The following OSBPL1A variants were observed in gnomAD, a reference collection of about 807,000 sequenced individuals.
The protein encoded by OSBPL1A is oxysterol-binding protein-related protein 1.
OSBPL1A carries 80 observed loss-of-function variants against 137.1 expected under a neutral mutation model. The ratio of observed to expected loss-of-function variants is 0.58; its 90% CI spans 0.49 to 0.70. The LOEUF (loss-of-function observed/expected upper bound fraction) is 0.70, where lower values mean the gene tolerates loss of function less well. Among genes scored for constraint, OSBPL1A ranks in the 30% least tolerant of loss-of-function variants. OSBPL1A has a pLI of 0.00. For synonymous variants in OSBPL1A, 365 were observed against 389.7 expected, an observed-to-expected ratio of 0.94 and a Z score of 0.75; for missense variants, 970 against 1,129.4, an observed-to-expected ratio of 0.86 and a Z score of 2.02.
intron 15 of OSBPL1A, among the ~76,000 whole-genome samples, chr18:24,275,257 T>A (rs1005577913): frequency 9.9e-5 from 15 of 151,682 alleles, no homozygotes; most frequent in African/African-American, 3.6e-4. Flanking sequence ...TGAAGCAAGG[T>A]CCCCAGAGAA....
intron 22 of OSBPL1A, 98 bp from the exon 23 acceptor site, chr18:24,171,596 T>C (rs2086289184): frequency 1.1e-6 from 1 of 923,408 alleles, no homozygotes; most frequent in Non-Finnish European, 1.7e-6. Context: ...CTACTGTTTA[T>C]GGATTTTCTC....
chr18:24,334,972 T>G (rs955557739), intron 5 of OSBPL1A, among the ~76,000 whole-genome samples: 1 of 152,036 alleles, frequency 6.6e-6, no homozygotes, highest in African/African-American at 2.4e-5. Context: ...TCATTGCAGC[T>G]TCAAACTCCT....
chr18:24,341,933 G>A (rs79025128), intron 4 of OSBPL1A, among the ~76,000 whole-genome samples: 2,432 of 152,268 alleles, frequency 0.016, 52 homozygotes, highest in African/African-American at 0.047. Flanking sequence ...AATAATTCAT[G>A]TGGTCAAATT....
chr18:24,206,816 C>A (rs1028362028), intron 17 of OSBPL1A, among the ~76,000 whole-genome samples: 1 of 152,148 alleles, frequency 6.6e-6, no homozygotes, highest in Non-Finnish European at 1.5e-5. Flanking sequence ...GCTTAAATTT[C>A]ACAATTCTTT....
intron 24 of OSBPL1A, among the ~76,000 whole-genome samples, chr18:24,168,098 G>A (rs1239156102): frequency 2.6e-5 from 4 of 152,080 alleles, no homozygotes; most frequent in South Asian, 4.1e-4. Flanking sequence ...ATTCATTTGA[G>A]TATTTATTTT....
chr18:24,203,350 C>G (rs1599485239), intron 17 of OSBPL1A, among the ~76,000 whole-genome samples: 1 of 152,312 alleles, frequency 6.6e-6, no homozygotes, highest in East Asian at 1.9e-4. Context: ...CCTGCACTCT[C>G]CAATACCAAC....
chr18:24,171,376 T>C (rs2145910200), intron 23 of OSBPL1A, 33 bp downstream of exon 23: 1 of 1,501,276 alleles, frequency 6.7e-7, no homozygotes, highest in East Asian at 2.3e-5. Flanking sequence ...GAACAAAATC[T>C]ATACTATTCA....
At chr18:24,190,150 C>T (rs1015691514) in intron 18 of OSBPL1A, among the ~76,000 whole-genome samples, 4 of 152,106 alleles carry the variant, frequency 2.6e-5, no homozygotes, top group Non-Finnish European at 5.9e-5. Context: ...ACAACACCTA[C>T]ACAGGAATGT....
At chr18:24,366,083 G>A (rs1297691873) in intron 4 of OSBPL1A, among the ~76,000 whole-genome samples, 1 of 152,066 alleles carries the variant, frequency 6.6e-6, no homozygotes, top group Non-Finnish European at 1.5e-5. Context: ...TTTAAATTAG[G>A]GTTCCCATGA....
At chr18:24,329,789 A>C (rs1441301395) in intron 7 of OSBPL1A, among the ~76,000 whole-genome samples, 1 of 152,174 alleles carries the variant, frequency 6.6e-6, no homozygotes, top group South Asian at 2.1e-4. Context: ...TGTATAAAAA[A>C]AGTCTCTAAA....
chr18:24,350,327 A>G (rs908588079), intron 4 of OSBPL1A, among the ~76,000 whole-genome samples: 1 of 152,248 alleles, frequency 6.6e-6, no homozygotes, highest in African/African-American at 2.4e-5. Flanking sequence ...TAGAACATTA[A>G]GACAGAAGAA....
chr18:24,201,529 G>A (rs563024022), intron 17 of OSBPL1A, among the ~76,000 whole-genome samples: 14 of 152,250 alleles, frequency 9.2e-5, no homozygotes, highest in Non-Finnish European at 1.3e-4. Flanking sequence ...TTGGGAGGCC[G>A]AGGCAGACAG....
chr18:24,314,272 T>C lies in OSBPL1A; in HGVS notation c.946A>G (p.Asn316Asp). Residue 316 changes from asparagine (N) to aspartate (D), a missense_variant, in exon 12 of 28, where the codon AAT becomes GAT. Transcript: ENST00000319481. ...ACCTCTCTTGACTGCTGAAGGCTAT[T>C]CTTAGGAACCCGGAAGCCATGAATG... is the stretch of plus-strand genomic sequence containing the variant. Reference protein sequence around the residue: ...DTIHGFRVPKNSLQQSREDWL... With the variant: ...DTIHGFRVPKDSLQQSREDWL... 1 of 1,609,428 alleles carries C rather than the reference T, an allele frequency of 6.2e-7. No individual in the cohort carries two copies. Among genetic ancestry groups the C allele is most frequent in the South Asian group, 1.1e-5 (1 of 90,046 alleles).
chr18:24,237,107 T>G (rs1040915771), intron 16 of OSBPL1A, among the ~76,000 whole-genome samples: 1 of 151,970 alleles, frequency 6.6e-6, no homozygotes, highest in Non-Finnish European at 1.5e-5. Flanking sequence ...TCTATATATA[T>G]ACACAAGCAC....
At chr18:24,391,470 C>G (rs1283233472) in intron 1 of OSBPL1A, among the ~76,000 whole-genome samples, 1 of 151,776 alleles carries the variant, frequency 6.6e-6, no homozygotes, top group African/African-American at 2.4e-5. Context: ...GCCTGTAATC[C>G]CCACTGCTTT....
chr18:24,241,809 A>G (rs2088703287), intron 15 of OSBPL1A, among the ~76,000 whole-genome samples: 1 of 152,234 alleles, frequency 6.6e-6, no homozygotes, highest in Non-Finnish European at 1.5e-5. Flanking sequence ...TCATTCTCCT[A>G]TAAAGACACA....
intron 2 of OSBPL1A, among the ~76,000 whole-genome samples, chr18:24,375,460 CAAGGTTGTGATGT>C (rs1906035640): frequency 2.0e-5 from 3 of 151,968 alleles, no homozygotes; most frequent in Admixed American, 2.0e-4. Context: ...ACATTTGATG[CAAGGTTGTGATGT>C]ATTGGCCACT....
intron 15 of OSBPL1A, 79 bp downstream of exon 15, chr18:24,280,763 T>G (rs1484043194): frequency 3.5e-5 from 34 of 968,584 alleles, no homozygotes; most frequent in Non-Finnish European, 4.8e-5. Context: ...TTGAACAATT[T>G]GAAAGCAATG....
intron 17 of OSBPL1A, among the ~76,000 whole-genome samples, chr18:24,217,152 A>G (rs1221806912): frequency 1.3e-5 from 2 of 152,128 alleles, no homozygotes; most frequent in Non-Finnish European, 2.9e-5. Context: ...AATCCAACCC[A>G]TGGGCTCATA....
Sources: allele counts gnomAD v4.1 joint callset (sites outside exome capture counted in the v4.1 genomes callset), GRCh38; gene constraint gnomAD v4.1.1; transcripts MANE v1.5; gene names NCBI Gene and HGNC (gene_info 2026-07-23, HGNC 2026-07-21).